The following SFTPA1 variants were observed in gnomAD, a reference collection of about 807,000 sequenced individuals.
SFTPA1 encodes the protein pulmonary surfactant-associated protein A1.
A neutral mutation model predicts 19.1 loss-of-function variants in SFTPA1; 13 were observed. The ratio of observed to expected loss-of-function variants is 0.68; its 90% confidence interval spans 0.44 to 1.08. The LOEUF (loss-of-function observed/expected upper bound fraction) is 1.08. SFTPA1 is among the 50% of genes least tolerant of loss of function. SFTPA1 has a pLI of 0.00. For synonymous variants in SFTPA1, 101 were observed against 117.0 expected (o/e 0.86, Z 0.88); for missense variants, 259 against 316.4 (o/e 0.82, Z 1.38).
chr10:79,612,454 G>A lies in SFTPA1; in HGVS notation c.292+23G>A, dbSNP rs764410422. 42 of 1,610,318 alleles carry A rather than the reference G, an allele frequency of 2.6e-5. No homozygotes were observed. In the East Asian group the frequency reaches 8.3e-4, roughly 32 times the overall value. ...CAGGTGAGCAGGGTGGGGCAGGTGG[G>A]CAGTGGAAACATGGGCACAGCGACC... On this transcript the variant is annotated intron_variant, in intron 4 of 5. Transcript: ENST00000398636.
At chr10:79,612,963 AG>A (rs1859949424) in intron 4 of SFTPA1, among the ~76,000 whole-genome samples, 3 of 151,860 alleles carry the variant, frequency 2.0e-5, no homozygotes, top group African/African-American at 7.3e-5. Context: ...AAAGAGGACA[AG>A]GGGTGGGGGT....
chr10:79,615,452 C>T (rs1860102267), downstream of SFTPA1: 1 of 154,504 alleles, frequency 6.5e-6, no homozygotes, highest in Admixed American at 6.4e-5. Flanking sequence ...CATGAGTTTC[C>T]ATAGCTTTGG....
chr10:79,612,410 C>G lies in SFTPA1; in HGVS notation c.271C>G (p.Pro91Ala), dbSNP rs1136452. Residue 91 changes from proline to alanine, a missense_variant, in exon 4 of 6, where the codon CCT becomes GCT. Pro to Ala is a conservative substitution (Grantham distance 27). Coordinates refer to ENST00000398636, the MANE Select transcript of SFTPA1 (RefSeq NM_005411.5). ...IPGECGEKGE[P>A]GERGPPGLPA... ...TGGAGAGTGTGGAGAGAAGGGGGAG[C>G]CTGGCGAGAGGGGCCCTCCAGGTGA... 14,824 of 1,613,396 alleles carry G rather than the reference C, an allele frequency of 9.2e-3. 94 individuals carry two copies. The highest frequency in any genetic ancestry group is 0.012 in the African/African-American group (909 of 74,942).
chr10:79,615,084 C>A lies in SFTPA1; in HGVS notation c.*971C>A. Reference sequence around the variant, plus strand: ...TGAAATGGGAATAAGATACTTGTTGCTGTCACAGTTATTACCATCCCCCCA... The same window carrying A: ...TGAAATGGGAATAAGATACTTGTTGATGTCACAGTTATTACCATCCCCCCA... On this transcript the variant is annotated 3_prime_UTR_variant, in exon 6 of 6. Coordinates refer to ENST00000398636, the MANE Select transcript of SFTPA1 (RefSeq NM_005411.5). 1 of 1,305,176 alleles carries A rather than the reference C, an allele frequency of 7.7e-7. No homozygotes were observed. The highest frequency in any genetic ancestry group is 1.0e-6 in the Non-Finnish European group (1 of 988,882). 80.8% of individuals were successfully genotyped at this position (1,305,176 alleles called of 1,614,324 possible). A position where few individuals can be genotyped will look rare whatever the true frequency, so the allele number is the denominator to read the frequency against.
chr10:79,614,816 C>T lies in SFTPA1; in HGVS notation c.*703C>T, dbSNP rs182478595. 9.0e-5 allele frequency: 37 copies of T among 412,734 alleles called. No individual in the cohort carries two copies. Among genetic ancestry groups the T allele is most frequent in the African/African-American group, 5.7e-4 (27 of 47,554 alleles). The allele number at this position is 412,734 out of a possible 1,614,324, so 25.6% of individuals were successfully genotyped here. Reference sequence around the variant, plus strand: ...CTAGGCCTCTAGGGTGACCTAGAGCCGCCTTCAGATGTGACCCGAGTAACT... The same window carrying T: ...CTAGGCCTCTAGGGTGACCTAGAGCTGCCTTCAGATGTGACCCGAGTAACT... On this transcript the variant is annotated 3_prime_UTR_variant, in exon 6 of 6. Transcript: ENST00000398636.
At position 79,611,959 on chromosome 10, in the gene SFTPA1, A is replaced by G; in HGVS notation, c.134A>G (p.Asp45Gly). The change falls in exon 3 of 6, where the codon GAC (aspartate) becomes GGC (glycine). Residue 45 changes from aspartate to glycine, a missense_variant. Transcript: ENST00000398636. ...TPGSHGLPGRDGRDGLKGDPG... is the reference protein window; with the variant it reads ...TPGSHGLPGRGGRDGLKGDPG... Reference sequence around the variant, plus strand: ...GGATCCCACGGCCTGCCAGGCAGGGACGGGAGAGATGGTCTCAAAGGAGAC... The same window carrying G: ...GGATCCCACGGCCTGCCAGGCAGGGGCGGGAGAGATGGTCTCAAAGGAGAC... 6.2e-7 allele frequency: 1 copy of G among 1,613,658 alleles called. No individual in the cohort carries two copies. Among genetic ancestry groups the G allele is most frequent in the Non-Finnish European group, 8.5e-7 (1 of 1,179,762 alleles).
In SFTPA1 at chr10:79,615,105, C is replaced by T. The variant is rs1860090175; in HGVS notation, c.*992C>T. ...GTTGCTGTCACAGTTATTACCATCC[C>T]CCCAGCTACCAAAATTACTACCAGA... is the stretch of plus-strand genomic sequence containing the variant. On this transcript the variant is annotated 3_prime_UTR_variant, in exon 6 of 6. Transcript: ENST00000398636. The T allele has an allele frequency of 2.3e-6, 3 of 1,303,912 alleles. No individual in the cohort carries two copies. The highest frequency in any genetic ancestry group is 3.0e-5 in the African/African-American group (2 of 65,766). The allele number at this position is 1,303,912 out of a possible 1,614,324, so 80.8% of individuals were successfully genotyped here.
intron 4 of SFTPA1, 100 bp from the exon 5 acceptor site, chr10:79,613,089 G>A (rs1859957798): frequency 1.2e-6 from 2 of 1,606,640 alleles, no homozygotes; most frequent in Non-Finnish European, 1.7e-6. Context: ...AGCAATGAAA[G>A]GGCAGAGTTC....
Position 79,614,213 on chromosome 10 carries a change from A to C in SFTPA1, c.*100A>C. 1 of 1,598,426 alleles carries C rather than the reference A, an allele frequency of 6.3e-7. No individual in the cohort carries two copies. The highest frequency in any genetic ancestry group is 8.6e-7 in the Non-Finnish European group (1 of 1,169,262). Reference sequence around the variant, plus strand: ...TGAGATGCTAGAACTCCCTTTCAACAGAATTCACTTGTGGCTATTGGGACT... The same window carrying C: ...TGAGATGCTAGAACTCCCTTTCAACCGAATTCACTTGTGGCTATTGGGACT... On this transcript the variant is annotated 3_prime_UTR_variant, in exon 6 of 6. Transcript: ENST00000398636.
rs1054253801 is a variant in SFTPA1 at position 79,614,081 on chromosome 10, C to T, written c.715C>T (p.Leu239=). The part of the protein sequence containing the change: ...TDGQWNDRNC[L]YSRLTICEF ...TGGGCAGTGGAATGACAGGAACTGC[C>T]TGTACTCCCGACTGACCATCTGTGA... is the stretch of plus-strand genomic sequence containing the variant. Residue 239 remains leucine, a synonymous_variant, in exon 6 of 6, where the codon CTG becomes TTG. Coordinates refer to ENST00000398636, the MANE Select transcript of SFTPA1 (RefSeq NM_005411.5). The T allele has an allele frequency of 3.7e-6, 6 of 1,614,080 alleles. No individual in the cohort carries two copies. Among genetic ancestry groups the T allele is most frequent in the East Asian group, 4.5e-5 (2 of 44,888 alleles).
In SFTPA1 at chr10:79,613,772, G is replaced by A; in HGVS notation, c.406G>A (p.Glu136Lys). Reference sequence around the variant, plus strand: ...GCAGGGCTCCATAATGACAGTAGGAGAGAAGGTCTTCTCCAGCAATGGGCA... The same window carrying A: ...GCAGGGCTCCATAATGACAGTAGGAAAGAAGGTCTTCTCCAGCAATGGGCA... Reference protein sequence around the residue: ...SLQGSIMTVGEKVFSSNGQSI... With the variant: ...SLQGSIMTVGKKVFSSNGQSI... Residue 136 changes from glutamate to lysine, a missense_variant, in exon 6 of 6, where the codon GAG becomes AAG. Coordinates refer to ENST00000398636, the MANE Select transcript of SFTPA1 (RefSeq NM_005411.5). The A allele has an allele frequency of 1.9e-6, 3 of 1,613,970 alleles. No individual in the cohort carries two copies. Among genetic ancestry groups the A allele is most frequent in the Non-Finnish European group, 2.5e-6 (3 of 1,179,870 alleles).
intron 3 of SFTPA1, 124 bp from the exon 4 acceptor site, chr10:79,612,188 T>A: frequency 1.2e-6 from 2 of 1,604,454 alleles, no homozygotes; most frequent in South Asian, 2.2e-5. Flanking sequence ...TCTGTCCTCA[T>A]AGTGCCCACG....
At position 79,615,267 on chromosome 10, in the gene SFTPA1, T is replaced by G; in HGVS notation, c.*1154T>G. 2.7e-6 allele frequency: 1 copy of G among 366,478 alleles called. No homozygotes were observed. Among genetic ancestry groups the G allele is most frequent in the Admixed American group, 4.6e-5 (1 of 21,894 alleles). The allele number at this position is 366,478 out of a possible 1,614,324, so 22.7% of individuals were successfully genotyped here. ...CGGGACCAGTATTGTTTCCTCATTT[T>G]TTATAAGGACACTGAAGCTTGGAGG... On this transcript the variant is annotated 3_prime_UTR_variant, in exon 6 of 6. Coordinates refer to ENST00000398636, the MANE Select transcript of SFTPA1 (RefSeq NM_005411.5).
chr10:79,613,219 A>C lies in SFTPA1; in HGVS notation c.323A>C (p.Gln108Pro). The change falls in exon 5 of 6, where the codon CAA (glutamine) becomes CCA (proline). Residue 108 changes from glutamine to proline, a missense_variant. By Grantham distance (76) the Gln-to-Pro change is moderately conservative (BLOSUM62 -1). Transcript: ENST00000398636. ...GLPAHLDEEL[Q>P]ATLHDFRHQI... ...CCAGCTCATCTAGATGAGGAGCTCCAAGCCACACTCCACGACTTTAGACAT... is the reference window on the plus strand; with the variant it reads ...CCAGCTCATCTAGATGAGGAGCTCCCAGCCACACTCCACGACTTTAGACAT... 1 of 1,614,082 alleles carries C rather than the reference A, an allele frequency of 6.2e-7. No homozygotes were observed. The highest frequency in any genetic ancestry group is 8.5e-7 in the Non-Finnish European group (1 of 1,180,000).
rs4253539 is a variant in SFTPA1 at position 79,615,144 on chromosome 10, A to G, written c.*1031A>G. 1.2e-3 allele frequency: 1,581 copies of G among 1,273,256 alleles called. 25 individuals carry two copies. In the African/African-American group the frequency reaches 0.022, roughly 18 times the overall value. 78.9% of individuals were successfully genotyped at this position (1,273,256 alleles called of 1,614,324 possible). A position where few individuals can be genotyped will look rare whatever the true frequency, so the allele number is the denominator to read the frequency against. ...ATTACTACCAGAACTGTTACTATAC[A>G]CAGAGGCTATTGACTGAGCACCTAT... On this transcript the variant is annotated 3_prime_UTR_variant, in exon 6 of 6. Coordinates refer to ENST00000398636, the MANE Select transcript of SFTPA1 (RefSeq NM_005411.5).
intron 2 of SFTPA1, 31 bp from the exon 3 acceptor site, chr10:79,611,772 G>A (rs1230413717): frequency 1.2e-6 from 2 of 1,613,686 alleles, no homozygotes; most frequent in African/African-American, 2.7e-5. Flanking sequence ...GGCAGAGGTG[G>A]CAGATGGGCT....
At position 79,614,680 on chromosome 10, in the gene SFTPA1, G is replaced by A. The variant is rs905996241; in HGVS notation, c.*567G>A. 2 of 286,552 alleles carry A rather than the reference G, an allele frequency of 7.0e-6. No individual in the cohort carries two copies. Among genetic ancestry groups the A allele is most frequent in the Admixed American group, 4.9e-5 (1 of 20,362 alleles). 17.8% of individuals were successfully genotyped at this position (286,552 alleles called of 1,614,324 possible). A position where few individuals can be genotyped will look rare whatever the true frequency, so the allele number is the denominator to read the frequency against. On this transcript the variant is annotated 3_prime_UTR_variant, in exon 6 of 6. Coordinates refer to ENST00000398636, the MANE Select transcript of SFTPA1 (RefSeq NM_005411.5). ...GGCTCTCCATGAGGTTAGAAGGCCA[G>A]GTAGTGTTCCAGCAGGGTGGTGGCC... is the stretch of plus-strand genomic sequence containing the variant.
chr10:79,614,178 A>T lies in SFTPA1; in HGVS notation c.*65A>T, dbSNP rs1016377738. 1.5e-5 allele frequency: 25 copies of T among 1,613,646 alleles called. No homozygotes were observed. The Admixed American group carries it at 4.0e-4, about 26-fold the overall frequency. ...CCTTCGGCCTCCATCCTGAGGCTCC[A>T]CTTGGTCTGTGAGATGCTAGAACTC... On this transcript the variant is annotated 3_prime_UTR_variant, in exon 6 of 6. Transcript: ENST00000398636.
intron 3 of SFTPA1, 121 bp downstream of exon 3, chr10:79,612,118 G>T: frequency 6.3e-7 from 1 of 1,584,662 alleles, no homozygotes; most frequent in Non-Finnish European, 8.6e-7. Context: ...AGCTGGGTGG[G>T]ACTTCAGTCT....
Sources: gnomAD v4.1 joint callset for allele counts (sites outside exome capture counted in the v4.1 genomes callset) on GRCh38, gnomAD v4.1.1 for gene constraint, MANE v1.5 for transcripts, NCBI Gene and HGNC (gene_info 2026-07-23, HGNC 2026-07-21) for gene names.